Variants in ABCA13 observed in about 807,000 individuals in gnomAD.
ABCA13 encodes the protein ATP binding cassette subfamily A member 13.
ABCA13 carries 476 observed loss-of-function variants against 478.7 expected under a neutral mutation model. The observed-to-expected ratio is 0.99, with a 90% CI of 0.92 to 1.07. The LOEUF (loss-of-function observed/expected upper bound fraction) is 1.07. Ranked by LOEUF, ABCA13 falls within the 50% of genes least tolerant of loss-of-function variation. The probability of loss-of-function intolerance (pLI) is 0.00; values close to 1 mark genes in which losing one functional copy is unlikely to be tolerated. For missense variants in ABCA13, 6,060 were observed against 5,910.6 expected (o/e 1.03, Z -0.83); for synonymous variants, 2,252 against 2,158.9 (o/e 1.04, Z -1.20).
At chr7:48,352,560 C>G (rs1019690629) in intron 31 of ABCA13, 73 bp downstream of exon 31, 219 of 1,425,612 alleles carry the variant, frequency 1.5e-4, no homozygotes, top group Non-Finnish European at 2.0e-4. Flanking sequence ...AGAGAAAACT[C>G]AGTTTTTCTA....
chr7:48,341,289 C>T (rs1172095351), intron 29 of ABCA13, among the ~76,000 whole-genome samples: 3 of 152,256 alleles, frequency 2.0e-5, no homozygotes, highest in South Asian at 4.1e-4. Flanking sequence ...GCAGACGCCA[C>T]CCAGACCCCC....
intron 58 of ABCA13, among the ~76,000 whole-genome samples, chr7:48,614,179 G>A (rs1354013573): frequency 6.7e-6 from 1 of 150,168 alleles, no homozygotes; most frequent in South Asian, 2.1e-4. Context: ...TCCTTCCATT[G>A]ATTCAATATT....
chr7:48,339,671 A>C (rs1806816589), intron 29 of ABCA13, among the ~76,000 whole-genome samples: 1 of 152,264 alleles, frequency 6.6e-6, no homozygotes. Context: ...TTTTCCTACA[A>C]GTGTGTTGGG....
chr7:48,213,414 ATAACT>A (rs1785973839), intron 3 of ABCA13, among the ~76,000 whole-genome samples: 2 of 152,240 alleles, frequency 1.3e-5, no homozygotes, highest in South Asian at 2.1e-4. Flanking sequence ...AAAAATGTAC[ATAACT>A]TAAATAAAGG....
At position 48,272,804 on chromosome 7, in the gene ABCA13, C is replaced by T; in HGVS notation, c.3138C>T (p.Ser1046=). The T allele has an allele frequency of 6.2e-7, 1 of 1,605,812 alleles. No individual in the cohort carries two copies. The highest frequency in any genetic ancestry group is 8.5e-7 in the Non-Finnish European group (1 of 1,175,104). ...IFNFLELQAQ[S]FMSTEGQELE... is the part of the protein sequence containing the mutation. Reference sequence around the variant, plus strand: ...ACTTTTTGGAGCTTCAGGCCCAATCCTTCATGTCTACAGAGGGCCAAGAAC... The same window carrying T: ...ACTTTTTGGAGCTTCAGGCCCAATCTTTCATGTCTACAGAGGGCCAAGAAC... Residue 1046 remains serine, a synonymous_variant, in exon 17 of 62, where the codon TCC becomes TCT. Coordinates refer to ENST00000435803, the MANE Select transcript of ABCA13 (RefSeq NM_152701.5).
intron 43 of ABCA13, among the ~76,000 whole-genome samples, chr7:48,455,662 A>G (rs1264923662): frequency 2.0e-5 from 3 of 152,226 alleles, no homozygotes; most frequent in African/African-American, 7.2e-5. Context: ...CGTATTAGAT[A>G]TATGTGGTAT....
rs761608929 is a variant in ABCA13 at position 48,524,273 on chromosome 7, G to A, written c.14077G>A (p.Val4693Ile). The change falls in exon 54 of 62, where the codon GTC becomes ATC. Residue 4693 changes from valine to isoleucine, a missense_variant. Physicochemically the swap from Val to Ile is conservative, Grantham distance 29. Transcript: ENST00000435803. Reference sequence around the variant, plus strand: ...GGGTCATTCTACTCTCCAAGGCACAGTCAAATCTTCTAAGGATACAGATGT... The same window carrying A: ...GGGTCATTCTACTCTCCAAGGCACAATCAAATCTTCTAAGGATACAGATGT... ...PRGHSTLQGT[V>I]KSSKDTDVEK... is the part of the protein sequence containing the mutation. The A allele has an allele frequency of 6.2e-7, 1 of 1,612,222 alleles. No individual in the cohort carries two copies. The highest frequency in any genetic ancestry group is 1.3e-5 in the African/African-American group (1 of 75,004).
In ABCA13 at chr7:48,410,503, C is replaced by T; in HGVS notation, c.12071-17C>T. The T allele has an allele frequency of 6.2e-7, 1 of 1,613,896 alleles. No homozygotes were observed. The highest frequency in any genetic ancestry group is 8.5e-7 in the Non-Finnish European group (1 of 1,179,848). On this transcript the variant is annotated splice_polypyrimidine_tract_variant and intron_variant, in intron 39 of 61. Coordinates refer to ENST00000435803, the MANE Select transcript of ABCA13 (RefSeq NM_152701.5). ...CTTTGTCCTCCTGGTGCTGATGCAC[C>T]CTGTGCTTGGACCCAGGTCGTACGA...
At chr7:48,364,926 G>T (rs1308112663) in intron 31 of ABCA13, among the ~76,000 whole-genome samples, 2 of 152,050 alleles carry the variant, frequency 1.3e-5, no homozygotes, top group Non-Finnish European at 2.9e-5. Context: ...TATACACTCT[G>T]CATTGGAATT....
At chr7:48,300,379 C>T (rs982205937) in intron 23 of ABCA13, among the ~76,000 whole-genome samples, 1 of 152,236 alleles carries the variant, frequency 6.6e-6, no homozygotes, top group African/African-American at 2.4e-5. Flanking sequence ...GCTCAAAGCC[C>T]GTGCTCCAAG....
chr7:48,310,909 T>C (rs1801680638), intron 24 of ABCA13, among the ~76,000 whole-genome samples: 1 of 152,090 alleles, frequency 6.6e-6, no homozygotes, highest in East Asian at 1.9e-4. Context: ...AAGCTTCTCC[T>C]CCTTCTGGCC....
chr7:48,483,288 T>A, intron 47 of ABCA13, 125 bp downstream of exon 47: 1 of 759,360 alleles, frequency 1.3e-6, no homozygotes, highest in South Asian at 2.3e-5. Context: ...TTACTAAGCA[T>A]CAAGGAAAAT....
Position 48,249,358 on chromosome 7 carries a change from C to A in ABCA13, c.2005+7C>A. On this transcript the variant is annotated splice_region_variant and intron_variant, in intron 15 of 61. Transcript: ENST00000435803. ...TTCCAGAACAGACTATTGGGTAAGTCAGTAGCCTAAACTACAGGAATGGGG... is the reference window on the plus strand; with the variant it reads ...TTCCAGAACAGACTATTGGGTAAGTAAGTAGCCTAAACTACAGGAATGGGG... 1 of 1,612,054 alleles carries A rather than the reference C, an allele frequency of 6.2e-7. No homozygotes were observed. Among genetic ancestry groups the A allele is most frequent in the South Asian group, 1.1e-5 (1 of 90,644 alleles).
At position 48,278,704 on chromosome 7, in the gene ABCA13, A is replaced by T. The variant is rs746931458; in HGVS notation, c.7510A>T (p.Met2504Leu). Residue 2504 changes from methionine (M) to leucine (L), a missense_variant, in exon 18 of 62, where the codon ATG becomes TTG. This residue lies in a region of ABCA13 where 4,423 missense variants were observed against 4,309.1 expected (regional missense o/e 1.03). Coordinates refer to ENST00000435803, the MANE Select transcript of ABCA13 (RefSeq NM_152701.5). ...PLLEMSGTLV[M>L]LLNDSADLRD... ...CTTAGAAATGTCTGGGACTCTGGTC[A>T]TGCTGTTGAATGACAGTGCTGACCT... 6.2e-7 allele frequency: 1 copy of T among 1,613,928 alleles called. No individual in the cohort carries two copies. Among genetic ancestry groups the T allele is most frequent in the Admixed American group, 1.7e-5 (1 of 60,026 alleles).
At chr7:48,339,214 G>A (rs6979238) in intron 29 of ABCA13, among the ~76,000 whole-genome samples, 12,270 of 152,136 alleles carry the variant, frequency 0.081, 545 homozygotes, top group East Asian at 0.17. Flanking sequence ...TTAGAGGAAG[G>A]CAAGACATTT....
At chr7:48,353,147 G>C (rs1809319991) in intron 31 of ABCA13, among the ~76,000 whole-genome samples, 1 of 151,758 alleles carries the variant, frequency 6.6e-6, no homozygotes, top group Admixed American at 6.5e-5. Flanking sequence ...CAGTGAACCT[G>C]AGGGTGAGCT....
intron 45 of ABCA13, among the ~76,000 whole-genome samples, chr7:48,477,656 T>C (rs536689719): frequency 5.5e-5 from 8 of 146,064 alleles, no homozygotes; most frequent in African/African-American, 2.0e-4. Flanking sequence ...AACCAAACAC[T>C]GCATGTTCTC....
At chr7:48,396,607 G>A (rs561146393) in intron 38 of ABCA13, among the ~76,000 whole-genome samples, 2 of 152,180 alleles carry the variant, frequency 1.3e-5, no homozygotes, top group Admixed American at 6.5e-5. Context: ...CCCACTAGGC[G>A]GAGAGAGGGC....
rs367570188 is a variant in ABCA13 at position 48,293,192 on chromosome 7, GC to G, written c.8956-2498del. ...TTCATCATTTCCTGAGAAGTCTTCAGCCCCCCCCCCGCCACACACACACTAA... is the reference window on the plus strand; with the variant it reads ...TTCATCATTTCCTGAGAAGTCTTCAGCCCCCCCCCGCCACACACACACTAA... On this transcript the variant is annotated intron_variant, in intron 20 of 61. Transcript: ENST00000435803. Among the ~76,000 whole-genome samples the G allele has an allele frequency of 2.0e-4, 22 of 108,292 alleles. 1 individual carries two copies. Among genetic ancestry groups the G allele is most frequent in the Non-Finnish European group, 2.6e-4 (13 of 50,856 alleles). The allele number at this position is 108,292 out of a possible 152,430, so 71.0% of individuals were successfully genotyped here.
Sources: allele counts gnomAD v4.1 joint callset (sites outside exome capture counted in the v4.1 genomes callset), GRCh38; gene constraint gnomAD v4.1.1; regional missense constraint gnomAD v4.1.1; transcripts MANE v1.5; gene names NCBI Gene and HGNC (gene_info 2026-07-23, HGNC 2026-07-21).